Variants in KCND3 observed in about 807,000 individuals in gnomAD.
KCND3 encodes the protein potassium voltage-gated channel subfamily D member 3.
KCND3 carries 9 observed loss-of-function variants against 51.1 expected under a neutral mutation model. The observed-to-expected ratio is 0.18, with a 90% CI of 0.11 to 0.31. KCND3 has a LOEUF of 0.31. Among genes scored for constraint, KCND3 ranks in the 10% least tolerant of loss-of-function variants. The probability of loss-of-function intolerance (pLI) is 1.00; values close to 1 mark genes in which losing one functional copy is unlikely to be tolerated. For synonymous variants in KCND3, 349 were observed against 368.0 expected (o/e 0.95, Z 0.59); for missense variants, 526 against 903.8 (o/e 0.58, Z 5.36).
intron 2 of KCND3, among the ~76,000 whole-genome samples, chr1:111,947,724 G>C (rs375741651): frequency 6.6e-6 from 1 of 152,204 alleles, no homozygotes; most frequent in Non-Finnish European, 1.5e-5. Context: ...GGGATGCTGA[G>C]GTTTGGAAGA....
chr1:111,788,489 G>A (rs1453209336), intron 2 of KCND3, among the ~76,000 whole-genome samples: 1 of 152,220 alleles, frequency 6.6e-6, no homozygotes, highest in East Asian at 1.9e-4. Context: ...AGGTAGACAG[G>A]TATTCGGTGA....
chr1:111,933,589 T>C (rs1672078498), intron 2 of KCND3, among the ~76,000 whole-genome samples: 1 of 152,154 alleles, frequency 6.6e-6, no homozygotes, highest in African/African-American at 2.4e-5. Context: ...AAAGGGGCTC[T>C]AAATGGAGCT....
intron 2 of KCND3, among the ~76,000 whole-genome samples, chr1:111,977,516 CAGAT>C (rs1415990061): frequency 6.6e-6 from 1 of 152,208 alleles, no homozygotes; most frequent in Non-Finnish European, 1.5e-5. Flanking sequence ...CATGGGGTGA[CAGAT>C]AGGCTGCCGG....
At chr1:111,839,935 T>A (rs1667245305) in intron 2 of KCND3, among the ~76,000 whole-genome samples, 1 of 152,254 alleles carries the variant, frequency 6.6e-6, no homozygotes, top group African/African-American at 2.4e-5. Flanking sequence ...CCATTCGAGC[T>A]GCTATAACAA....
At chr1:111,792,981 C>T (rs1664902934) in intron 2 of KCND3, among the ~76,000 whole-genome samples, 1 of 150,414 alleles carries the variant, frequency 6.6e-6, no homozygotes. Flanking sequence ...GTGATCCTCC[C>T]ACCTCAGCCT....
At chr1:111,944,910 C>T (rs1310191993) in intron 2 of KCND3, among the ~76,000 whole-genome samples, 1 of 152,238 alleles carries the variant, frequency 6.6e-6, no homozygotes. Flanking sequence ...TCAGCCTTGG[C>T]ACACATGGTG....
At chr1:111,814,277 G>A (rs517680) in intron 2 of KCND3, among the ~76,000 whole-genome samples, 17,172 of 152,230 alleles carry the variant, frequency 0.11, 1,214 homozygotes, top group Middle Eastern at 0.19. Context: ...ACAAATAAAC[G>A]GAGAAATCAC....
intron 3 of KCND3, among the ~76,000 whole-genome samples, chr1:111,784,604 C>T (rs115393825): frequency 6.6e-6 from 1 of 152,200 alleles, no homozygotes; most frequent in East Asian, 1.9e-4. Context: ...TAGTTTCCTT[C>T]CCATCCCATC....
chr1:111,787,648 G>A (rs1254325031), intron 2 of KCND3, among the ~76,000 whole-genome samples: 2 of 152,202 alleles, frequency 1.3e-5, no homozygotes, highest in East Asian at 1.9e-4. Flanking sequence ...CGTCTGACGG[G>A]CCATGGGGAG....
chr1:111,970,482 G>A (rs1674266939), intron 2 of KCND3, among the ~76,000 whole-genome samples: 2 of 152,118 alleles, frequency 1.3e-5, no homozygotes, highest in South Asian at 4.1e-4. Context: ...ATCTTTTAAG[G>A]GCCAGCTGAA....
chr1:111,806,950 C>G (rs1665599725), intron 2 of KCND3, among the ~76,000 whole-genome samples: 1 of 152,202 alleles, frequency 6.6e-6, no homozygotes, highest in Admixed American at 6.5e-5. Flanking sequence ...AATATCCCCT[C>G]TATGGACTTG....
At chr1:111,906,087 A>C (rs1341007826) in intron 2 of KCND3, among the ~76,000 whole-genome samples, 1 of 152,236 alleles carries the variant, frequency 6.6e-6, no homozygotes, top group African/African-American at 2.4e-5. Flanking sequence ...TGTGAGCCCC[A>C]GAGTAGCCAC....
chr1:111,892,213 C>T (rs921770548), intron 2 of KCND3, among the ~76,000 whole-genome samples: 38 of 152,212 alleles, frequency 2.5e-4, no homozygotes, highest in Admixed American at 1.9e-3. Flanking sequence ...TGAGGCCTGG[C>T]GGGGAAAGGG....
chr1:111,822,064 G>A (rs577055302), intron 2 of KCND3, among the ~76,000 whole-genome samples: 18 of 145,118 alleles, frequency 1.2e-4, no homozygotes, highest in Non-Finnish European at 2.7e-4. Context: ...CTCTGTATGT[G>A]GGGGCTCAAG....
chr1:111,780,101 C>T lies in KCND3; in HGVS notation c.1461+124G>A. On this transcript the variant is annotated intron_variant, in intron 5 of 7. Transcript: ENST00000302127. This position sits in a 1 kb window ranked among gnomAD's most constrained non-coding sequence, Gnocchi z 4.2. ...CCACCTGAGGGCCAGTAGATCCCAT[C>T]ACTACCTTTTGGATCTGAAGGGGAC... 5.6e-6 allele frequency: 6 copies of T among 1,074,074 alleles called. No homozygotes were observed. The South Asian group carries it at 8.1e-5, about 15-fold the overall frequency. 66.5% of individuals were successfully genotyped at this position (1,074,074 alleles called of 1,614,324 possible).
At chr1:111,820,158 G>T (rs1371243580) in intron 2 of KCND3, among the ~76,000 whole-genome samples, 1 of 152,094 alleles carries the variant, frequency 6.6e-6, no homozygotes, top group Non-Finnish European at 1.5e-5. Context: ...CAATGTTCCA[G>T]CCAAATGGAA....
chr1:111,938,927 C>T (rs80009994), intron 2 of KCND3, among the ~76,000 whole-genome samples: 8,435 of 152,272 alleles, frequency 0.055, 316 homozygotes, highest in Middle Eastern at 0.085. Context: ...ACAGGGAACC[C>T]CTGCAGCTCC....
chr1:111,851,719 A>G (rs1667823754), intron 2 of KCND3, among the ~76,000 whole-genome samples: 1 of 152,204 alleles, frequency 6.6e-6, no homozygotes, highest in Non-Finnish European at 1.5e-5. Context: ...TCCCCAACGC[A>G]GCACCTAGCA....
chr1:111,833,134 A>G (rs1666916806), intron 2 of KCND3, among the ~76,000 whole-genome samples: 1 of 152,230 alleles, frequency 6.6e-6, no homozygotes, highest in Admixed American at 6.5e-5. Flanking sequence ...CAGTTTTGAC[A>G]TCTCTGTGCT....
Sources: allele counts gnomAD v4.1 joint callset (sites outside exome capture counted in the v4.1 genomes callset), GRCh38; gene constraint gnomAD v4.1.1; non-coding constraint Gnocchi (gnomAD v3.1); transcripts MANE v1.5; gene names NCBI Gene and HGNC (gene_info 2026-07-23, HGNC 2026-07-21).